The following SRPK2 variants were observed in gnomAD, a reference collection of about 807,000 sequenced individuals.
SRPK2 encodes SRSF protein kinase 2.
SRPK2 carries 21 observed loss-of-function variants against 90.8 expected under a neutral mutation model. The observed-to-expected ratio is 0.23, with a 90% CI of 0.16 to 0.33. SRPK2 has a LOEUF of 0.33. Ranked by LOEUF, SRPK2 falls within the 10% of genes least tolerant of loss-of-function variation. The pLI, the probability that SRPK2 is intolerant of heterozygous loss-of-function variation, is 1.00. For synonymous variants in SRPK2, 288 were observed against 311.1 expected, an observed-to-expected ratio of 0.93 and a Z score of 0.78; for missense variants, 620 against 869.0, an observed-to-expected ratio of 0.71 and a Z score of 3.60.
Position 105,388,692 on chromosome 7 carries a change from A to G in SRPK2, c.27T>C (p.Ile9=). The G allele has an allele frequency of 1.3e-6, 2 of 1,586,790 alleles. No homozygotes were observed. The highest frequency in any genetic ancestry group is 1.7e-6 in the Non-Finnish European group (2 of 1,166,372). The change falls in exon 2 of 16, where the codon ATT becomes ATC. Residue 9 remains isoleucine, a synonymous_variant. Coordinates refer to ENST00000393651, the MANE Select transcript of SRPK2 (RefSeq NM_182692.3). Reference sequence around the variant, plus strand: ...TTTTCGGCCTCCGCTTTCGGGCCTGAATGGCCAGCACTGGGGAAGAGAAGA... The same window carrying G: ...TTTTCGGCCTCCGCTTTCGGGCCTGGATGGCCAGCACTGGGGAAGAGAAGA... MSSRKVLA[I]QARKRRPKRE...
rs111424364 is a variant in SRPK2, at chr7:105,123,409, C to T, written c.1915+2839G>A. ...TGCCTCTGACCCAGAGGAGAAAGAG[C>T]GGGAAAACCTCCTGGGAAGGCACTC... is the stretch of plus-strand genomic sequence containing the variant. On this transcript the variant is annotated intron_variant, in intron 15 of 15. Transcript: ENST00000393651. 2.5e-3 allele frequency among the ~76,000 whole-genome samples: 383 copies of T among 152,172 alleles called. 6 individuals are homozygous for T. The highest frequency in any genetic ancestry group is 2.0e-3 in the Non-Finnish European group (139 of 68,008).
intron 2 of SRPK2, among the ~76,000 whole-genome samples, chr7:105,335,114 T>C (rs1814939438): frequency 6.6e-6 from 1 of 152,170 alleles, no homozygotes; most frequent in South Asian, 2.1e-4. Flanking sequence ...GAGGCTACAG[T>C]GAGCCGAGAT....
rs116854459 is a variant in SRPK2, at chr7:105,269,752, C to T, written c.72-65967G>A. Among the ~76,000 whole-genome samples, 431 of 152,308 alleles carry T rather than the reference C, an allele frequency of 2.8e-3. 11 individuals carry two copies. In the East Asian group the frequency reaches 0.055, roughly 19 times the overall value. ...TAACACGTTTCCTTTAAAACATCAA[C>T]GACTGACTAAAGCACATAATTTTAA... On this transcript the variant is annotated intron_variant, in intron 2 of 15. Transcript: ENST00000393651.
chr7:105,207,787 A>G (rs1473166577), intron 2 of SRPK2, among the ~76,000 whole-genome samples: 1 of 152,234 alleles, frequency 6.6e-6, no homozygotes, highest in African/African-American at 2.4e-5. Flanking sequence ...AAGCAATACA[A>G]GAAAAACTAA....
chr7:105,119,168 GGACT>G, intron 15 of SRPK2, among the ~76,000 whole-genome samples: 1 of 151,892 alleles, frequency 6.6e-6, no homozygotes, highest in East Asian at 1.9e-4. Context: ...CTTCATGCAA[GGACT>G]GACTTCTCTC....
chr7:105,319,681 G>C (rs1019826480), intron 2 of SRPK2, among the ~76,000 whole-genome samples: 2 of 152,166 alleles, frequency 1.3e-5, no homozygotes, highest in South Asian at 2.1e-4. Context: ...ATTGAAAAAC[G>C]TAACTATGGG....
chr7:105,376,120 G>A (rs374272228), intron 2 of SRPK2, among the ~76,000 whole-genome samples: 7 of 140,952 alleles, frequency 5.0e-5, no homozygotes, highest in African/African-American at 1.6e-4. Flanking sequence ...TCAGCCTCCC[G>A]TGCAGCTGGG....
intron 2 of SRPK2, among the ~76,000 whole-genome samples, chr7:105,274,179 CAAGT>C (rs1806188963): frequency 6.6e-6 from 1 of 152,120 alleles, no homozygotes; most frequent in African/African-American, 2.4e-5. Context: ...AAGCGTAATA[CAAGT>C]ATGTTTTATC....
At chr7:105,233,789 C>T (rs1799808701) in intron 2 of SRPK2, among the ~76,000 whole-genome samples, 1 of 151,968 alleles carries the variant, frequency 6.6e-6, no homozygotes, top group African/African-American at 2.4e-5. Context: ...GAACCTGGGA[C>T]TCAGAGATTG....
At chr7:105,389,311 C>T (rs2132880361), upstream of SRPK2, 1 of 1,281,078 alleles carries the variant, frequency 7.8e-7, no homozygotes, top group Non-Finnish European at 1.0e-6. Flanking sequence ...GGGTCTCGCA[C>T]CACCTCTCTT....
chr7:105,247,532 AC>A, intron 2 of SRPK2, among the ~76,000 whole-genome samples: 1 of 5,946 alleles, frequency 1.7e-4, no homozygotes, highest in South Asian at 6.0e-3. Context: ...ACACACATAA[AC>A]ACACACACAC....
intron 2 of SRPK2, among the ~76,000 whole-genome samples, chr7:105,336,950 C>T (rs748602925): frequency 6.6e-6 from 1 of 151,790 alleles, no homozygotes; most frequent in African/African-American, 2.4e-5. Flanking sequence ...TACAGGCACC[C>T]GCCACCACAC....
At chr7:105,300,761 A>G (rs1459935168) in intron 2 of SRPK2, among the ~76,000 whole-genome samples, 1 of 152,238 alleles carries the variant, frequency 6.6e-6, no homozygotes, top group Non-Finnish European at 1.5e-5. Context: ...AGACACATGA[A>G]AAAATGCTCA....
intron 11 of SRPK2, 52 bp from the exon 12 acceptor site, chr7:105,133,156 T>C: frequency 4.5e-6 from 7 of 1,545,818 alleles, no homozygotes; most frequent in Non-Finnish European, 6.3e-6. Context: ...GTGGTTTGCA[T>C]GTGTGAGCAC....
At chr7:105,386,939 A>C (rs1280327288) in intron 2 of SRPK2, among the ~76,000 whole-genome samples, 2 of 152,230 alleles carry the variant, frequency 1.3e-5, no homozygotes, top group Non-Finnish European at 2.9e-5. Context: ...GGAAAAGCTG[A>C]GTACTGTGGC....
intron 2 of SRPK2, among the ~76,000 whole-genome samples, chr7:105,278,411 C>T (rs1806803937): frequency 6.7e-6 from 1 of 148,952 alleles, no homozygotes. Context: ...CAGTGGCTCA[C>T]AACTGTAATC....
rs761180867 is a variant in SRPK2, at chr7:105,117,366, C to T, written c.*472G>A. On this transcript the variant is annotated 3_prime_UTR_variant, in exon 16 of 16. Transcript: ENST00000393651. ...AACATTTACAGGGTGCATTTACATA[C>T]ACTATAATACAGGAATGATGTCCCT... The T allele has an allele frequency of 2.3e-4, 38 of 161,876 alleles. No homozygotes were observed. Among genetic ancestry groups the T allele is most frequent in the African/African-American group, 5.8e-4 (24 of 41,480 alleles). The allele number at this position is 161,876 out of a possible 1,614,324, so 10.0% of individuals were successfully genotyped here. A position where few individuals can be genotyped will look rare whatever the true frequency, so the allele number is the denominator to read the frequency against.
intron 2 of SRPK2, among the ~76,000 whole-genome samples, chr7:105,337,880 G>A (rs1247680385): frequency 3.3e-5 from 5 of 151,988 alleles, no homozygotes; most frequent in Non-Finnish European, 7.4e-5. Context: ...ATATGTAAGG[G>A]AGAAATAATA....
At position 105,342,726 on chromosome 7, in the gene SRPK2, T is replaced by C. The variant is rs1815974059; in HGVS notation, c.71+45922A>G. Among the ~76,000 whole-genome samples the C allele has an allele frequency of 2.0e-5, 3 of 152,046 alleles. No individual in the cohort carries two copies. The South Asian group carries it at 6.2e-4, about 32-fold the overall frequency. The stretch of plus-strand genomic sequence containing the variant: ...TTCTCTCACTGAAAAAGTTACATGC[T>C]CTCCCTAACTTTGTCATTCTCCTCC... On this transcript the variant is annotated intron_variant, in intron 2 of 15. Transcript: ENST00000393651.
Sources: gnomAD v4.1 joint callset for allele counts (sites outside exome capture counted in the v4.1 genomes callset) on GRCh38, gnomAD v4.1.1 for gene constraint, MANE v1.5 for transcripts, NCBI Gene and HGNC (gene_info 2026-07-23, HGNC 2026-07-21) for gene names.